The following SGCD variants were observed in gnomAD, a reference collection of about 807,000 sequenced individuals.
The protein encoded by SGCD is delta-sarcoglycan.
Under a neutral mutation model 36.6 loss-of-function variants are expected in SGCD, and 18 were observed. The observed-to-expected ratio is 0.49, with a 90% CI of 0.34 to 0.73. The LOEUF is 0.73. Ranked by LOEUF, SGCD falls within the 30% of genes least tolerant of loss-of-function variation. The pLI is 0.01. For synonymous variants in SGCD, 133 were observed against 130.6 expected, an observed-to-expected ratio of 1.02 and a Z score of -0.12; for missense variants, 387 against 346.7, an observed-to-expected ratio of 1.12 and a Z score of -0.92.
intron 3 of SGCD, among the ~76,000 whole-genome samples, chr5:156,454,458 G>T (rs1754165322): frequency 6.6e-6 from 1 of 152,210 alleles, no homozygotes; most frequent in Admixed American, 6.5e-5. Flanking sequence ...TTCTCCCCAA[G>T]ATTTGGATTT....
At chr5:156,529,077 G>A (rs927091603) in intron 4 of SGCD, among the ~76,000 whole-genome samples, 2 of 152,088 alleles carry the variant, frequency 1.3e-5, no homozygotes, top group Non-Finnish European at 2.9e-5. Context: ...CATTCCCACA[G>A]ACCGTAGTAA....
At chr5:156,175,647 A>G (rs561683367) in intron 3 of SGCD, among the ~76,000 whole-genome samples, 1 of 152,226 alleles carries the variant, frequency 6.6e-6, no homozygotes, top group South Asian at 2.1e-4. Context: ...GTTTTAATTT[A>G]TCTTTTGAAA....
At chr5:156,207,933 T>C (rs1180457253) in intron 3 of SGCD, among the ~76,000 whole-genome samples, 1 of 152,146 alleles carries the variant, frequency 6.6e-6, no homozygotes, top group Non-Finnish European at 1.5e-5. Context: ...CTTATAGTCT[T>C]CATCCATTAA....
intron 1 of SGCD, among the ~76,000 whole-genome samples, chr5:156,329,074 T>C (rs1767947731): frequency 6.6e-6 from 1 of 152,156 alleles, no homozygotes; most frequent in African/African-American, 2.4e-5. Context: ...AGAAACTCTA[T>C]AGTTTCTCTC....
chr5:156,135,868 A>G (rs1762443346), intron 3 of SGCD, among the ~76,000 whole-genome samples: 1 of 152,134 alleles, frequency 6.6e-6, no homozygotes, highest in African/African-American at 2.4e-5. Flanking sequence ...CCTGAAGGTT[A>G]GTTTTCAGGA....
chr5:156,445,545 A>G (rs932330223), intron 3 of SGCD, among the ~76,000 whole-genome samples: 1 of 152,138 alleles, frequency 6.6e-6, no homozygotes, highest in African/African-American at 2.4e-5. Context: ...ATGATTGAGA[A>G]TGAGATGTTA....
intron 6 of SGCD, among the ~76,000 whole-genome samples, chr5:156,605,858 T>C (rs1761420721): frequency 6.6e-6 from 1 of 152,270 alleles, no homozygotes; most frequent in African/African-American, 2.4e-5. Context: ...TTTTGAGAAG[T>C]GTCTGTTCAT....
At chr5:156,391,869 C>T (rs918282967) in intron 3 of SGCD, among the ~76,000 whole-genome samples, 8 of 152,104 alleles carry the variant, frequency 5.3e-5, no homozygotes, top group Middle Eastern at 3.2e-3. Flanking sequence ...AAATTTTGGA[C>T]GAGAATAAAC....
intron 3 of SGCD, among the ~76,000 whole-genome samples, chr5:156,205,726 A>G (rs575979029): frequency 6.6e-6 from 1 of 152,082 alleles, no homozygotes; most frequent in South Asian, 2.1e-4. Context: ...AATTCCTAAC[A>G]CTTTTATGTC....
the SGCD span, among the ~76,000 whole-genome samples, chr5:155,862,693 C>A: frequency 2.0e-5 from 3 of 152,158 alleles, no homozygotes; most frequent in Non-Finnish European, 4.4e-5. Flanking sequence ...ATGTACTTGC[C>A]TTATCTCAGT....
chr5:155,758,992 T>G, the SGCD span, among the ~76,000 whole-genome samples: 1 of 151,432 alleles, frequency 6.6e-6, no homozygotes, highest in Non-Finnish European at 1.5e-5. Context: ...CTTTTCGAGT[T>G]TTTATGATTT....
intron 7 of SGCD, among the ~76,000 whole-genome samples, chr5:156,708,275 C>G (rs1270422569): frequency 2.6e-5 from 1 of 38,654 alleles, no homozygotes; most frequent in African/African-American, 1.5e-4. Flanking sequence ...GAAAAGCATT[C>G]TATTAAAAAA....
intron 3 of SGCD, 72 bp from the exon 4 acceptor site, chr5:156,508,529 T>C: frequency 2.3e-6 from 2 of 883,868 alleles, no homozygotes. Flanking sequence ...ATAACTACGT[T>C]TTTTACAGCC....
the SGCD span, among the ~76,000 whole-genome samples, chr5:155,849,396 C>T: frequency 2.0e-4 from 30 of 152,006 alleles, no homozygotes; most frequent in Admixed American, 1.9e-3. Flanking sequence ...TAATGTGATA[C>T]AGGCACACAC....
intron 4 of SGCD, among the ~76,000 whole-genome samples, chr5:156,570,059 G>A (rs924319533): frequency 6.6e-6 from 1 of 152,128 alleles, no homozygotes; most frequent in African/African-American, 2.4e-5. Context: ...ACTGCTCTGA[G>A]GATAATAGAA....
At chr5:156,435,269 T>C (rs1753194312) in intron 3 of SGCD, among the ~76,000 whole-genome samples, 1 of 152,166 alleles carries the variant, frequency 6.6e-6, no homozygotes, top group Admixed American at 6.5e-5. Flanking sequence ...GCATTTTAAT[T>C]TGTGCCCTAG....
intron 4 of SGCD, 125 bp from the exon 5 acceptor site, chr5:156,589,106 T>G (rs534437813): frequency 1.6e-6 from 1 of 639,988 alleles, no homozygotes; most frequent in African/African-American, 1.8e-5. Context: ...TTGGAGTTTT[T>G]GAGTAAAGAC....
chr5:155,802,386 G>A, the SGCD span, among the ~76,000 whole-genome samples: 12 of 152,114 alleles, frequency 7.9e-5, no homozygotes, highest in Admixed American at 4.6e-4. Flanking sequence ...TCTGGGATTC[G>A]TAAGCTTGCT....
chr5:156,207,129 G>T (rs762706705), intron 3 of SGCD, among the ~76,000 whole-genome samples: 10 of 152,046 alleles, frequency 6.6e-5, no homozygotes, highest in Non-Finnish European at 1.2e-4. Flanking sequence ...GGAGATTTTA[G>T]ATCTCACTAT....
Sources: gnomAD v4.1 joint callset for allele counts (sites outside exome capture counted in the v4.1 genomes callset) on GRCh38, gnomAD v4.1.1 for gene constraint, MANE v1.5 for transcripts, NCBI Gene and HGNC (gene_info 2026-07-23, HGNC 2026-07-21) for gene names.